The following SRSF2 variants were observed in gnomAD, a reference collection of about 807,000 sequenced individuals.
SRSF2 encodes the protein serine and arginine rich splicing factor 2, also known as serine/arginine-rich splicing factor 2.
A neutral mutation model predicts 15.7 loss-of-function variants in SRSF2; 4 were observed. That is an observed-to-expected ratio of 0.26 (90% CI 0.13 to 0.58). The LOEUF is 0.58. Among genes scored for constraint, SRSF2 ranks in the 20% least tolerant of loss-of-function variants. SRSF2 has a pLI of 0.90. For synonymous variants in SRSF2, 192 were observed against 138.9 expected, an observed-to-expected ratio of 1.38 and a Z score of -2.69; for missense variants, 147 against 332.4, an observed-to-expected ratio of 0.44 and a Z score of 4.34.
At position 76,736,822 on chromosome 17, in the gene SRSF2, A is replaced by G; in HGVS notation, c.339T>C (p.Gly113=). The change falls in exon 1 of 3, where the codon GGT becomes GGC. Residue 113 remains glycine, a synonymous_variant. Transcript: ENST00000359995. ...ACCTGCGGCTCCGGCGTCCGTAGCC[A>G]CCGCCCCCGTACCTGCGGGGTGGCG... ...RGPPPRRYGG[G]GYGRRSRSPR... 16 of 1,593,024 alleles carry G rather than the reference A, an allele frequency of 1.0e-5. No individual in the cohort carries two copies. The highest frequency in any genetic ancestry group is 1.7e-4 in the Middle Eastern group (1 of 5,738).
chr17:76,737,356 C>T (rs765830002), upstream of SRSF2: 102 of 648,450 alleles, frequency 1.6e-4, no homozygotes, highest in East Asian at 3.3e-4. Flanking sequence ...CCTCTGCGCC[C>T]GTTTATATCG....
intron 1 of SRSF2, 82 bp downstream of exon 1, chr17:76,736,717 C>T (rs1174643740): frequency 4.4e-6 from 6 of 1,350,594 alleles, no homozygotes; most frequent in Middle Eastern, 2.7e-4. Flanking sequence ...GCACCACGTG[C>T]TTCGCCGCGG....
Position 76,734,295 on chromosome 17 carries a change from C to T in SRSF2, c.*871G>A. On this transcript the variant is annotated 3_prime_UTR_variant, in exon 3 of 3. Coordinates refer to ENST00000359995, the MANE Select transcript of SRSF2 (RefSeq NM_001195427.2). ...TACATGTAGATATGATCAGATTTAC[C>T]ATTTTTAGGGGGAAGAGGGAAAAAA... 1 of 229,766 alleles carries T rather than the reference C, an allele frequency of 4.4e-6. No individual in the cohort carries two copies. 14.2% of individuals were successfully genotyped at this position (229,766 alleles called of 1,614,324 possible).
At chr17:76,736,073 T>TAA (rs2077449495) in intron 2 of SRSF2, 81 bp downstream of exon 2, 20 of 1,383,108 alleles carry the variant, frequency 1.4e-5, no homozygotes, top group Non-Finnish European at 1.6e-5. Flanking sequence ...GAGTCATTCT[T>TAA]ACATTAACAC....
Position 76,736,481 on chromosome 17 carries a change from C to T in SRSF2, c.363-17G>A. ...CGCCTAGGGCTGCGGGCGGGACGAG[C>T]AAGCACAGCGGGGTTAATTCCAGGC... On this transcript the variant is annotated splice_polypyrimidine_tract_variant and intron_variant, in intron 1 of 2. Transcript: ENST00000359995. 1 of 1,607,492 alleles carries T rather than the reference C, an allele frequency of 6.2e-7. No homozygotes were observed. The highest frequency in any genetic ancestry group is 8.5e-7 in the Non-Finnish European group (1 of 1,179,664).
chr17:76,736,730 C>A, intron 1 of SRSF2, 69 bp downstream of exon 1: 1 of 1,380,784 alleles, frequency 7.2e-7, no homozygotes, highest in South Asian at 1.6e-5. Context: ...CGCCGCGGAC[C>A]TTTGTGAGGT....
At chr17:76,736,515 C>T in intron 1 of SRSF2, 51 bp from the exon 2 acceptor site, 1 of 1,557,582 alleles carries the variant, frequency 6.4e-7, no homozygotes, top group Non-Finnish European at 8.7e-7. Flanking sequence ...GCAGCGGGGC[C>T]GGCCCCGCCC....
chr17:76,735,995 C>T (rs1194647876), intron 2 of SRSF2, 159 bp downstream of exon 2: 1 of 698,336 alleles, frequency 1.4e-6, no homozygotes, highest in East Asian at 2.6e-5. Flanking sequence ...CACATCCTTT[C>T]TGCAGACCCC....
At chr17:76,736,107 T>C in intron 2 of SRSF2, 47 bp downstream of exon 2, 1 of 1,525,638 alleles carries the variant, frequency 6.6e-7, no homozygotes, top group Non-Finnish European at 8.8e-7. Flanking sequence ...CTACCCCAAA[T>C]CCCATTTATG....
intron 1 of SRSF2, 103 bp downstream of exon 1, chr17:76,736,696 C>G (rs923446001): frequency 3.0e-5 from 39 of 1,295,544 alleles, no homozygotes; most frequent in Non-Finnish European, 3.6e-5. Flanking sequence ...ACCCCCGCCC[C>G]GTCCGGGCCC....
intron 1 of SRSF2, 157 bp downstream of exon 1, chr17:76,736,642 C>G: frequency 8.6e-7 from 1 of 1,166,890 alleles, no homozygotes. Context: ...TCGCAGACGG[C>G]GGAAGCTCGC....
chr17:76,736,542 G>C (rs377064670), intron 1 of SRSF2, 78 bp from the exon 2 acceptor site: 1 of 1,475,322 alleles, frequency 6.8e-7, no homozygotes, highest in African/African-American at 1.4e-5. Context: ...TCCCGCCCAG[G>C]CCGCCATTAT....
intron 2 of SRSF2, chr17:76,735,447 C>A (rs1433397397): frequency 4.4e-6 from 1 of 225,408 alleles, no homozygotes; most frequent in Non-Finnish European, 8.8e-6. Context: ...AACTCGAGAT[C>A]AGAGAATTGG....
chr17:76,734,603 G>A lies in SRSF2; in HGVS notation c.*563C>T, dbSNP rs2077378871. On this transcript the variant is annotated 3_prime_UTR_variant, in exon 3 of 3. Coordinates refer to ENST00000359995, the MANE Select transcript of SRSF2 (RefSeq NM_001195427.2). ...ACATAAGAGAAGAGATTAGAATTGTGTTTGATAAACAATCCTTTCAAAAAA... is the reference window on the plus strand; with the variant it reads ...ACATAAGAGAAGAGATTAGAATTGTATTTGATAAACAATCCTTTCAAAAAA... The A allele has an allele frequency of 4.3e-6, 1 of 229,912 alleles. No homozygotes were observed. The highest frequency in any genetic ancestry group is 5.7e-5 in the Admixed American group (1 of 17,610). The allele number at this position is 229,912 out of a possible 1,614,324, so 14.2% of individuals were successfully genotyped here. A position where few individuals can be genotyped will look rare whatever the true frequency, so the allele number is the denominator to read the frequency against.
upstream of SRSF2, chr17:76,737,332 G>A (rs1037372719): frequency 6.2e-5 from 54 of 867,066 alleles, 1 homozygote; most frequent in Middle Eastern, 3.7e-4. Flanking sequence ...AGTAACAACT[G>A]GGCGGGCAGC....
intron 2 of SRSF2, 60 bp downstream of exon 2, chr17:76,736,094 G>A: frequency 6.7e-7 from 1 of 1,494,280 alleles, no homozygotes. Context: ...GACTCAAAAA[G>A]ACCTACCCCA....
In SRSF2 at chr17:76,734,902, A is replaced by C; in HGVS notation, c.*264T>G. On this transcript the variant is annotated 3_prime_UTR_variant, in exon 3 of 3. Coordinates refer to ENST00000359995, the MANE Select transcript of SRSF2 (RefSeq NM_001195427.2). ...GCACTATATAACAAAATGAAATTTT[A>C]CCTCAAATATCCAAATCCAATAATG... 4.2e-6 allele frequency: 1 copy of C among 237,220 alleles called. No individual in the cohort carries two copies. 14.7% of individuals were successfully genotyped at this position (237,220 alleles called of 1,614,324 possible). A position where few individuals can be genotyped will look rare whatever the true frequency, so the allele number is the denominator to read the frequency against.
chr17:76,737,280 C>T lies in SRSF2; in HGVS notation c.-120G>A, dbSNP rs1266083141. 1 of 1,358,536 alleles carries T rather than the reference C, an allele frequency of 7.4e-7. No individual in the cohort carries two copies. The allele number at this position is 1,358,536 out of a possible 1,614,324, so 84.2% of individuals were successfully genotyped here. ...CGTGGGGACACTGGGAAAGGCCTTG[C>T]CGCAGAACAGCACGGACGGGCTCCG... On this transcript the variant is annotated 5_prime_UTR_variant, in exon 1 of 3. Coordinates refer to ENST00000359995, the MANE Select transcript of SRSF2 (RefSeq NM_001195427.2).
rs1269959374 is a variant in SRSF2, at chr17:76,736,540, A to C, written c.363-76T>G. On this transcript the variant is annotated intron_variant, in intron 1 of 2. Transcript: ENST00000359995. Reference sequence around the variant, plus strand: ...CGGCCCCGCCCGCGCGCTCCCGCCCAGGCCGCCATTATCTCGCCGCCAGAC... The same window carrying C: ...CGGCCCCGCCCGCGCGCTCCCGCCCCGGCCGCCATTATCTCGCCGCCAGAC... The C allele has an allele frequency of 2.0e-6, 3 of 1,481,728 alleles. No individual in the cohort carries two copies. The African/African-American group carries it at 4.3e-5, about 21-fold the overall frequency. 91.8% of individuals were successfully genotyped at this position (1,481,728 alleles called of 1,614,324 possible). A position where few individuals can be genotyped will look rare whatever the true frequency, so the allele number is the denominator to read the frequency against.
Sources: gnomAD v4.1 joint callset for allele counts on GRCh38, gnomAD v4.1.1 for gene constraint, MANE v1.5 for transcripts, NCBI Gene and HGNC (gene_info 2026-07-23, HGNC 2026-07-21) for gene names.